Variants in TMEM74 observed in about 807,000 individuals in gnomAD.
TMEM74 encodes transmembrane protein 74.
Under a neutral mutation model 18.1 loss-of-function variants are expected in TMEM74, and 13 were observed. The ratio of observed to expected loss-of-function variants is 0.72; its 90% CI spans 0.47 to 1.14. The LOEUF (loss-of-function observed/expected upper bound fraction) is 1.14, where lower values mean the gene tolerates loss of function less well. Ranked by LOEUF, TMEM74 falls within the 50% of genes most tolerant of loss-of-function variation. The probability of loss-of-function intolerance (pLI) is 0.00; values close to 1 mark genes in which losing one functional copy is unlikely to be tolerated. For synonymous variants in TMEM74, 159 were observed against 146.6 expected (o/e 1.08, Z -0.61); for missense variants, 372 against 375.9 (o/e 0.99, Z 0.09).
intron 2 of TMEM74, among the ~76,000 whole-genome samples, chr8:108,648,144 T>A (rs1354000367): frequency 6.6e-6 from 1 of 152,144 alleles, no homozygotes; most frequent in Non-Finnish European, 1.5e-5. Flanking sequence ...CAATGTGATG[T>A]CACAAATCCT....
chr8:108,609,787 C>T (rs1024154815), intron 2 of TMEM74, among the ~76,000 whole-genome samples: 3 of 152,192 alleles, frequency 2.0e-5, no homozygotes, highest in South Asian at 2.1e-4. Flanking sequence ...AAATAAACCT[C>T]ATTGCAATGA....
intron 2 of TMEM74, among the ~76,000 whole-genome samples, chr8:108,617,225 T>C (rs1812393320): frequency 6.6e-6 from 1 of 151,948 alleles, no homozygotes. Flanking sequence ...GGAGCCAATG[T>C]GGGTGAGGTT....
chr8:108,734,919 A>T (rs1813730580), intron 1 of TMEM74, among the ~76,000 whole-genome samples: 1 of 152,156 alleles, frequency 6.6e-6, no homozygotes, highest in Non-Finnish European at 1.5e-5. Flanking sequence ...GACACAACAA[A>T]CATCAATACT....
At chr8:108,705,136 C>T (rs1238405711) in intron 1 of TMEM74, among the ~76,000 whole-genome samples, 2 of 152,202 alleles carry the variant, frequency 1.3e-5, no homozygotes, top group Non-Finnish European at 2.9e-5. Flanking sequence ...ATTAGTCCCA[C>T]GGTTTGTAAA....
At chr8:108,640,511 A>G (rs561442264) in intron 2 of TMEM74, among the ~76,000 whole-genome samples, 1 of 152,192 alleles carries the variant, frequency 6.6e-6, no homozygotes, top group South Asian at 2.1e-4. Flanking sequence ...AAAATATTCT[A>G]TATCAGCCTT....
intron 1 of TMEM74, among the ~76,000 whole-genome samples, chr8:108,750,091 ACTG>A (rs1199240530): frequency 6.6e-6 from 1 of 152,036 alleles, no homozygotes; most frequent in East Asian, 1.9e-4. Flanking sequence ...AAAATCCTAA[ACTG>A]CTCCAAGGGA....
At chr8:108,673,589 A>G (rs767501167) in intron 1 of TMEM74, among the ~76,000 whole-genome samples, 15 of 152,232 alleles carry the variant, frequency 9.9e-5, no homozygotes, top group Non-Finnish European at 1.9e-4. Flanking sequence ...GCCAAGAAAC[A>G]GGAGCACGTA....
intron 1 of TMEM74, among the ~76,000 whole-genome samples, chr8:108,763,135 C>T (rs1814064733): frequency 6.6e-6 from 1 of 152,014 alleles, no homozygotes; most frequent in Non-Finnish European, 1.5e-5. Context: ...TCCCATGCAT[C>T]TGGCTGAATC....
chr8:108,653,318 G>C (rs911821767), intron 2 of TMEM74: 1 of 154,560 alleles, frequency 6.5e-6, no homozygotes, highest in African/African-American at 2.4e-5. Flanking sequence ...ACAGTGGGAT[G>C]ATGGGCCTAA....
intron 2 of TMEM74, among the ~76,000 whole-genome samples, chr8:108,611,344 A>T (rs1320633154): frequency 6.6e-6 from 1 of 152,200 alleles, no homozygotes; most frequent in Non-Finnish European, 1.5e-5. Flanking sequence ...CTGAATCACT[A>T]ACTTTCCTAA....
intron 2 of TMEM74, among the ~76,000 whole-genome samples, chr8:108,610,587 T>C (rs535736653): frequency 5.9e-5 from 9 of 151,996 alleles, no homozygotes; most frequent in Non-Finnish European, 1.3e-4. Flanking sequence ...GAATGTGACA[T>C]TTGGGTAGAA....
rs542952421 is a variant in TMEM74, at chr8:108,669,305, C to T, written n.120-13868G>A. Among the ~76,000 whole-genome samples, 90 of 152,174 alleles carry T rather than the reference C, an allele frequency of 5.9e-4. 1 individual carries two copies. Among genetic ancestry groups the T allele is most frequent in the African/African-American group, 2.1e-3 (89 of 41,526 alleles). ...GCTGAGGCTGGGGTTGCAGCCTGCT[C>T]AAGAAGGAGCGGATATAAGGAGGAC... On this transcript the variant is annotated intron_variant and non_coding_transcript_variant, in intron 1 of 3. Transcript: ENST00000518838.
At chr8:108,614,067 T>A (rs183182842) in intron 2 of TMEM74, among the ~76,000 whole-genome samples, 1,656 of 151,830 alleles carry the variant, frequency 0.011, 12 homozygotes, top group African/African-American at 0.015. Flanking sequence ...GGTATTTTTT[T>A]AAATATAAAT....
At chr8:108,620,348 C>G (rs1029526378) in intron 2 of TMEM74, among the ~76,000 whole-genome samples, 1 of 151,950 alleles carries the variant, frequency 6.6e-6, no homozygotes, top group Admixed American at 6.6e-5. Flanking sequence ...TATCTCTGCA[C>G]GTGTAAGATT....
At chr8:108,638,756 T>A (rs1000508388) in intron 2 of TMEM74, among the ~76,000 whole-genome samples, 2 of 152,166 alleles carry the variant, frequency 1.3e-5, no homozygotes, top group Non-Finnish European at 2.9e-5. Context: ...TTACACTTAT[T>A]GGCATGTGTA....
intron 2 of TMEM74, among the ~76,000 whole-genome samples, chr8:108,609,612 C>T (rs1243073722): frequency 1.3e-5 from 2 of 152,168 alleles, no homozygotes; most frequent in Non-Finnish European, 2.9e-5. Context: ...CATGCCACTG[C>T]ACTCCAGCCT....
chr8:108,649,326 C>T (rs1320375540), intron 2 of TMEM74, among the ~76,000 whole-genome samples: 1 of 152,000 alleles, frequency 6.6e-6, no homozygotes, highest in Admixed American at 6.6e-5. Flanking sequence ...ACATGACATT[C>T]AATAAGTATT....
chr8:108,657,842 CAAA>C (rs1157229913), intron 1 of TMEM74, among the ~76,000 whole-genome samples: 67 of 16,644 alleles, frequency 4.0e-3, no homozygotes, highest in African/African-American at 7.6e-3. Flanking sequence ...GACACCGTCT[CAAA>C]AAAAAAAAAA....
At chr8:108,666,452 T>C (rs1381322717) in intron 1 of TMEM74, among the ~76,000 whole-genome samples, 1 of 152,128 alleles carries the variant, frequency 6.6e-6, no homozygotes, top group Admixed American at 6.6e-5. Flanking sequence ...TTAGTTTTGG[T>C]TCCCCACCAG....
Sources: allele counts gnomAD v4.1 joint callset (sites outside exome capture counted in the v4.1 genomes callset), GRCh38; gene constraint gnomAD v4.1.1; transcripts MANE v1.5; gene names NCBI Gene and HGNC (gene_info 2026-07-23, HGNC 2026-07-21).